The following ZFAT variants were observed in gnomAD, a reference collection of about 807,000 sequenced individuals.
ZFAT encodes the protein zinc finger protein ZFAT.
In ZFAT, 64 loss-of-function variants were observed where a neutral mutation model predicts 117.7. The ratio of observed to expected loss-of-function variants is 0.54; its 90% CI spans 0.44 to 0.67. The LOEUF (loss-of-function observed/expected upper bound fraction) is 0.67. Among genes scored for constraint, ZFAT ranks in the 30% least tolerant of loss-of-function variants. ZFAT has a pLI of 0.00. For synonymous variants in ZFAT, 679 were observed against 615.0 expected (o/e 1.10, Z -1.54); for missense variants, 1,433 against 1,584.5 (o/e 0.90, Z 1.62).
chr8:134,588,870 C>T (rs746775042), intron 8 of ZFAT, among the ~76,000 whole-genome samples: 2 of 152,220 alleles, frequency 1.3e-5, no homozygotes, highest in Non-Finnish European at 2.9e-5. Flanking sequence ...TAATGAATGA[C>T]AGTTGATCCT....
intron 1 of ZFAT, among the ~76,000 whole-genome samples, chr8:134,689,247 C>G (rs1471442164): frequency 6.6e-6 from 1 of 152,246 alleles, no homozygotes; most frequent in East Asian, 1.9e-4. Flanking sequence ...TCTGAATAAT[C>G]TGCCCCTTAA....
the ZFAT span, among the ~76,000 whole-genome samples, chr8:134,764,559 C>G: frequency 1.3e-5 from 2 of 152,170 alleles, no homozygotes; most frequent in Non-Finnish European, 2.9e-5. Flanking sequence ...TAAACTTTCA[C>G]AGATTTATTA....
intron 8 of ZFAT, among the ~76,000 whole-genome samples, chr8:134,589,334 C>A (rs1190233966): frequency 6.6e-6 from 1 of 152,222 alleles, no homozygotes; most frequent in East Asian, 1.9e-4. Context: ...CCATTCCCAG[C>A]TGAAACATGA....
chr8:134,668,116 G>C (rs188541416), intron 1 of ZFAT, among the ~76,000 whole-genome samples: 1 of 152,184 alleles, frequency 6.6e-6, no homozygotes, highest in East Asian at 1.9e-4. Context: ...CAGGAAACTC[G>C]AACTGGGTGG....
chr8:134,751,424 G>A, the ZFAT span, among the ~76,000 whole-genome samples: 173 of 152,302 alleles, frequency 1.1e-3, 3 homozygotes, highest in East Asian at 0.025. Flanking sequence ...GTTGGGGCAG[G>A]AGGAAGAGAA....
Position 134,601,577 on chromosome 8 carries a change from A to G in ZFAT, c.2142T>C (p.Ala714=). 6.2e-7 allele frequency: 1 copy of G among 1,614,196 alleles called. No individual in the cohort carries two copies. Among genetic ancestry groups the G allele is most frequent in the Non-Finnish European group, 8.5e-7 (1 of 1,180,036 alleles). ...GTAAACTGTTCAGGACCTTCATGAA[A>G]GCGGTGATGCCTGACCGGTGCTCAG... is the stretch of plus-strand genomic sequence containing the variant. ...AAPEHRSGIT[A]FMKVLNSLQK... Residue 714 remains alanine, a synonymous_variant, in exon 6 of 16, where the codon GCT becomes GCC. Coordinates refer to ENST00000377838, the MANE Select transcript of ZFAT (RefSeq NM_020863.4).
intron 11 of ZFAT, among the ~76,000 whole-genome samples, chr8:134,553,405 A>G (rs955879318): frequency 1.3e-5 from 2 of 152,240 alleles, no homozygotes; most frequent in South Asian, 4.1e-4. Flanking sequence ...CAGGAGGCTG[A>G]GGCAGAAGAA....
intron 15 of ZFAT, among the ~76,000 whole-genome samples, chr8:134,489,999 T>G (rs4398862): frequency 6.6e-6 from 1 of 151,934 alleles, no homozygotes; most frequent in Non-Finnish European, 1.5e-5. Flanking sequence ...CATTGCGGGA[T>G]CTGTCAGCTC....
chr8:134,570,507 G>A (rs936341767), intron 10 of ZFAT, among the ~76,000 whole-genome samples: 2 of 152,088 alleles, frequency 1.3e-5, no homozygotes, highest in Admixed American at 6.5e-5. Context: ...TGCAATCACC[G>A]AAGCAGTGCA....
At chr8:134,627,047 C>T (rs1311665270) in intron 3 of ZFAT, among the ~76,000 whole-genome samples, 1 of 152,114 alleles carries the variant, frequency 6.6e-6, no homozygotes, top group Admixed American at 6.5e-5. Flanking sequence ...CCAGTGGGGG[C>T]CAATGGCATA....
At position 134,637,595 on chromosome 8, in the gene ZFAT, G is replaced by C; in HGVS notation, c.314C>G (p.Pro105Arg). 1 of 1,614,200 alleles carries C rather than the reference G, an allele frequency of 6.2e-7. No homozygotes were observed. Among genetic ancestry groups the C allele is most frequent in the Non-Finnish European group, 8.5e-7 (1 of 1,180,036 alleles). The change falls in exon 3 of 16, where the codon CCG (proline) becomes CGG (arginine). Residue 105 changes from proline to arginine, a missense_variant. This residue lies in a region of ZFAT where 436 missense variants were observed against 482.0 expected (regional missense o/e 0.90). Coordinates refer to ENST00000377838, the MANE Select transcript of ZFAT (RefSeq NM_020863.4). ...TGGAGGCAGGCTGTTCCCTTCCTCC[G>C]GAGCCAGCGGGCTGTCCTCAGTCGG... ...VSPTEDSPLA[P>R]EEGNSLPPSS...
At chr8:134,533,425 G>A (rs1661338316) in intron 11 of ZFAT, among the ~76,000 whole-genome samples, 1 of 152,216 alleles carries the variant, frequency 6.6e-6, no homozygotes, top group Admixed American at 6.5e-5. Flanking sequence ...GGTCACAGCA[G>A]TAGGTTCTAC....
intron 1 of ZFAT, 80 bp from the exon 2 acceptor site, chr8:134,657,817 G>A (rs968209918): frequency 2.3e-5 from 34 of 1,464,278 alleles, no homozygotes; most frequent in South Asian, 6.8e-5. Context: ...AGACAATACC[G>A]AAAGCTGCCC....
chr8:134,757,017 T>C, the ZFAT span, among the ~76,000 whole-genome samples: 1 of 143,678 alleles, frequency 7.0e-6, no homozygotes, highest in African/African-American at 2.6e-5. Context: ...TCCTTTTTTT[T>C]TTTTTTTTTT....
At chr8:134,539,018 A>T (rs1474268240) in intron 11 of ZFAT, among the ~76,000 whole-genome samples, 1 of 152,174 alleles carries the variant, frequency 6.6e-6, no homozygotes, top group Non-Finnish European at 1.5e-5. Flanking sequence ...ACACATTTTC[A>T]TAGTTTGAGA....
chr8:134,795,767 C>T, the ZFAT span: 4 of 152,170 alleles, frequency 2.6e-5, no homozygotes, highest in South Asian at 2.1e-4. Flanking sequence ...GGGATGGAAT[C>T]GCAGGCAACT....
At chr8:134,744,765 T>C in the ZFAT span, among the ~76,000 whole-genome samples, 1 of 141,656 alleles carries the variant, frequency 7.1e-6, no homozygotes, top group East Asian at 2.1e-4. Flanking sequence ...AGGCTTGCTC[T>C]GTCACCTAGG....
chr8:134,691,160 G>A (rs1426178912), intron 1 of ZFAT, among the ~76,000 whole-genome samples: 1 of 152,196 alleles, frequency 6.6e-6, no homozygotes, highest in African/African-American at 2.4e-5. Flanking sequence ...TACATCACTG[G>A]GAGCCACAGA....
intron 1 of ZFAT, among the ~76,000 whole-genome samples, chr8:134,671,508 G>T (rs1019156199): frequency 6.6e-6 from 1 of 152,178 alleles, no homozygotes; most frequent in Non-Finnish European, 1.5e-5. Context: ...AAAACCACAT[G>T]ATTATCTCAA....
Sources: allele counts gnomAD v4.1 joint callset (sites outside exome capture counted in the v4.1 genomes callset), GRCh38; gene constraint gnomAD v4.1.1; regional missense constraint gnomAD v4.1.1; transcripts MANE v1.5; gene names NCBI Gene and HGNC (gene_info 2026-07-23, HGNC 2026-07-21).